The following RAP1GAP2 variants were observed in gnomAD, a reference collection of about 807,000 sequenced individuals.
RAP1GAP2 encodes RAP1 GTPase activating protein 2.
RAP1GAP2 carries 27 observed loss-of-function variants against 95.0 expected under a neutral mutation model. The ratio of observed to expected loss-of-function variants is 0.28; its 90% CI spans 0.21 to 0.39. The LOEUF (loss-of-function observed/expected upper bound fraction) is 0.39. Ranked by LOEUF, RAP1GAP2 falls within the 10% of genes least tolerant of loss-of-function variation. RAP1GAP2 has a pLI of 1.00. For missense variants in RAP1GAP2, 771 were observed against 970.0 expected (o/e 0.79, Z 2.72); for synonymous variants, 373 against 380.9 (o/e 0.98, Z 0.24).
At chr17:2,805,311 C>T (rs902966812) in intron 2 of RAP1GAP2, among the ~76,000 whole-genome samples, 6 of 152,168 alleles carry the variant, frequency 3.9e-5, no homozygotes, top group African/African-American at 7.2e-5. Context: ...AAGGAGCAGC[C>T]GGAACGGGAG....
chr17:2,938,803 G>T (rs953934091), intron 3 of RAP1GAP2, among the ~76,000 whole-genome samples: 2 of 151,906 alleles, frequency 1.3e-5, no homozygotes, highest in Non-Finnish European at 2.9e-5. Context: ...CCTGGCCAAC[G>T]TCGCAAAACC....
In RAP1GAP2 at chr17:2,830,287, G is replaced by A. The variant is rs148598783; in HGVS notation, c.80+29737G>A. Among the ~76,000 whole-genome samples the A allele has an allele frequency of 9.0e-3, 1,365 of 152,216 alleles. 26 individuals are homozygous for A. The highest frequency in any genetic ancestry group is 0.032 in the African/African-American group (1,331 of 41,528). On this transcript the variant is annotated intron_variant, in intron 2 of 24. Coordinates refer to ENST00000254695, the MANE Select transcript of RAP1GAP2 (RefSeq NM_015085.5). ...AAATTAGCTGGGTGTGGTGGTGCATGCCTGTAATTCGAGCTACTCGGGAGG... is the reference window on the plus strand; with the variant it reads ...AAATTAGCTGGGTGTGGTGGTGCATACCTGTAATTCGAGCTACTCGGGAGG...
At chr17:2,948,132 G>T (rs975422563) in intron 3 of RAP1GAP2, among the ~76,000 whole-genome samples, 1 of 152,232 alleles carries the variant, frequency 6.6e-6, no homozygotes, top group Non-Finnish European at 1.5e-5. Flanking sequence ...TGGCCCGTGT[G>T]GTCCTGCCAC....
chr17:2,778,086 C>T (rs1183813882), intron 1 of RAP1GAP2, among the ~76,000 whole-genome samples: 4 of 149,964 alleles, frequency 2.7e-5, no homozygotes, highest in African/African-American at 7.4e-5. Context: ...ATTTTTCAGG[C>T]GAAAGTCCCA....
At chr17:2,800,217 C>T (rs971210363) in intron 1 of RAP1GAP2, 36 of 985,254 alleles carry the variant, frequency 3.7e-5, no homozygotes, top group South Asian at 1.4e-4. Flanking sequence ...CTGGACCTGA[C>T]GTGAGATACC....
chr17:2,955,157 T>C (rs1487750043), intron 3 of RAP1GAP2, among the ~76,000 whole-genome samples: 1 of 152,212 alleles, frequency 6.6e-6, no homozygotes, highest in Non-Finnish European at 1.5e-5. Flanking sequence ...GTCGAATTGC[T>C]GAGTTGTGTG....
In RAP1GAP2 at chr17:3,005,545, G is replaced by A; in HGVS notation, c.1272+105G>A. On this transcript the variant is annotated intron_variant, in intron 15 of 24. Transcript: ENST00000254695. This position sits in a 1 kb window ranked among gnomAD's most constrained non-coding sequence, Gnocchi z 5.2. ...CCAAATTCAGGCTGGGAACATTAGG[G>A]AGCTCCTTTTGCAGGTTTTGGGGGG... The A allele has an allele frequency of 7.5e-7, 1 of 1,326,142 alleles. No homozygotes were observed. The highest frequency in any genetic ancestry group is 1.2e-5 in the South Asian group (1 of 85,116). The allele number at this position is 1,326,142 out of a possible 1,614,324, so 82.1% of individuals were successfully genotyped here.
intron 2 of RAP1GAP2, among the ~76,000 whole-genome samples, chr17:2,895,347 C>T (rs557709046): frequency 3.9e-5 from 6 of 152,296 alleles, no homozygotes; most frequent in South Asian, 4.1e-4. Context: ...AGTGTAGCAC[C>T]GTGGTAAACG....
chr17:2,869,697 C>T lies in RAP1GAP2; in HGVS notation c.81-35587C>T, dbSNP rs114323995. Reference sequence around the variant, plus strand: ...AAGCTCACACCCCCACTGAGGGTCACGTGTTGCTGGGGAAGGTCAGGTCCC... The same window carrying T: ...AAGCTCACACCCCCACTGAGGGTCATGTGTTGCTGGGGAAGGTCAGGTCCC... On this transcript the variant is annotated intron_variant, in intron 2 of 24. Transcript: ENST00000254695. Among the ~76,000 whole-genome samples the T allele has an allele frequency of 5.1e-3, 777 of 152,284 alleles. 5 individuals carry two copies. Among genetic ancestry groups the T allele is most frequent in the African/African-American group, 0.017 (718 of 41,560 alleles).
rs1690250922 is a variant in RAP1GAP2 at position 2,933,083 on chromosome 17, C to T, written c.166-24676C>T. 2.0e-5 allele frequency among the ~76,000 whole-genome samples: 3 copies of T among 152,296 alleles called. No homozygotes were observed. In the South Asian group the frequency reaches 6.2e-4, roughly 32 times the overall value. On this transcript the variant is annotated intron_variant, in intron 3 of 24. Transcript: ENST00000254695. ...AGGGCAGCATGGCTGCGGTTTCCCT[C>T]CTCCATGAGCCAGCCAGCCAGACAG... is the stretch of plus-strand genomic sequence containing the variant.
intron 2 of RAP1GAP2, among the ~76,000 whole-genome samples, chr17:2,801,596 T>TGG (rs2069297533): frequency 3.1e-5 from 2 of 64,476 alleles, no homozygotes; most frequent in African/African-American, 1.0e-4. Context: ...CACTCCAGGG[T>TGG]ATGTGTGTGT....
chr17:2,799,536 G>T (rs77778217), intron 1 of RAP1GAP2, among the ~76,000 whole-genome samples: 372 of 152,294 alleles, frequency 2.4e-3, no homozygotes, highest in African/African-American at 8.4e-3. Context: ...AGAGAAGGGT[G>T]CCGGAAAGAG....
At chr17:3,021,996 T>A (rs1331321512) in intron 19 of RAP1GAP2, among the ~76,000 whole-genome samples, 1 of 152,218 alleles carries the variant, frequency 6.6e-6, no homozygotes, top group African/African-American at 2.4e-5. Flanking sequence ...TTGGATATAT[T>A]TACCCTGCAG....
chr17:2,922,515 C>CA (rs2042813645), intron 3 of RAP1GAP2, among the ~76,000 whole-genome samples: 1 of 152,190 alleles, frequency 6.6e-6, no homozygotes, highest in Non-Finnish European at 1.5e-5. Flanking sequence ...CGAGGTCTGC[C>CA]AGCACCTGCT....
intron 3 of RAP1GAP2, among the ~76,000 whole-genome samples, chr17:2,932,816 CAAAAAAAGAAA>C (rs1403452373): frequency 7.9e-4 from 8 of 10,166 alleles, no homozygotes; most frequent in Non-Finnish European, 1.8e-3. Context: ...GACTCCATCT[CAAAAAAAGAAA>C]AAAAAAAAAA....
At position 2,965,988 on chromosome 17, in the gene RAP1GAP2, T is replaced by C. The variant is rs1033140232; in HGVS notation, c.596+345T>C. ...GTGACTCATCCTGCTGAGACACAGCTCCGAGTCCTGGGAGAGGGTTCGCCA... is the reference window on the plus strand; with the variant it reads ...GTGACTCATCCTGCTGAGACACAGCCCCGAGTCCTGGGAGAGGGTTCGCCA... On this transcript the variant is annotated intron_variant, in intron 8 of 24. Transcript: ENST00000254695. This position sits in a 1 kb window ranked among gnomAD's most constrained non-coding sequence, Gnocchi z 4.7. 2 of 267,076 alleles carry C rather than the reference T, an allele frequency of 7.5e-6. No homozygotes were observed. Among genetic ancestry groups the C allele is most frequent in the African/African-American group, 2.2e-5 (1 of 46,204 alleles). The allele number at this position is 267,076 out of a possible 1,614,324, so 16.5% of individuals were successfully genotyped here.
chr17:2,920,143 C>T (rs1224217777), intron 3 of RAP1GAP2, among the ~76,000 whole-genome samples: 1 of 151,996 alleles, frequency 6.6e-6, no homozygotes, highest in Non-Finnish European at 1.5e-5. Flanking sequence ...TAGCTGGGAC[C>T]ACAGGTGTGC....
chr17:2,938,907 A>G (rs1304514910), intron 3 of RAP1GAP2, among the ~76,000 whole-genome samples: 20 of 151,934 alleles, frequency 1.3e-4, no homozygotes, highest in Non-Finnish European at 2.9e-4. Context: ...AATCTCTTGA[A>G]CCCAGGAGGC....
intron 3 of RAP1GAP2, among the ~76,000 whole-genome samples, chr17:2,907,347 C>T (rs976382388): frequency 5.3e-5 from 8 of 152,176 alleles, no homozygotes; most frequent in Admixed American, 3.9e-4. Flanking sequence ...CACAGCTTTC[C>T]GCCACATGTG....
Sources: gnomAD v4.1 joint callset for allele counts (sites outside exome capture counted in the v4.1 genomes callset) on GRCh38, gnomAD v4.1.1 for gene constraint, Gnocchi (gnomAD v3.1) non-coding constraint, MANE v1.5 for transcripts, NCBI Gene and HGNC (gene_info 2026-07-23, HGNC 2026-07-21) for gene names.